NRXN1: variants seen among roughly 807,000 people sequenced by gnomAD.
The protein encoded by NRXN1 is neurexin 1.
NRXN1 carries 39 observed loss-of-function variants against 150.9 expected under a neutral mutation model. The ratio of observed to expected loss-of-function variants is 0.26; its 90% confidence interval spans 0.20 to 0.34. The LOEUF is 0.34. Ranked by LOEUF, NRXN1 falls within the 10% of genes least tolerant of loss-of-function variation. The pLI is 1.00. For synonymous variants in NRXN1, 924 were observed against 757.0 expected (o/e 1.22, Z -3.62); for missense variants, 1,815 against 1,949.9 (o/e 0.93, Z 1.30).
At chr2:50,076,120 T>C (rs1270614781) in intron 19 of NRXN1, among the ~76,000 whole-genome samples, 3 of 152,216 alleles carry the variant, frequency 2.0e-5, no homozygotes, top group African/African-American at 7.2e-5. Flanking sequence ...TTGAACTATG[T>C]CTTTCTTAGT....
chr2:50,550,515 C>G (rs1482861164), intron 9 of NRXN1, among the ~76,000 whole-genome samples: 1 of 151,494 alleles, frequency 6.6e-6, no homozygotes, highest in African/African-American at 2.4e-5. Context: ...TAAGCCCATG[C>G]CCACGCCACT....
chr2:50,950,338 C>A (rs948965301), intron 2 of NRXN1, among the ~76,000 whole-genome samples: 1 of 152,078 alleles, frequency 6.6e-6, no homozygotes, highest in African/African-American at 2.4e-5. Context: ...AATTATATAT[C>A]TAGTTATTTT....
intron 2 of NRXN1, among the ~76,000 whole-genome samples, chr2:50,980,363 A>C (rs187421681): frequency 6.6e-6 from 1 of 152,256 alleles, no homozygotes; most frequent in African/African-American, 2.4e-5. Context: ...TGAGCTGTTC[A>C]TTCAAAAGTT....
At chr2:50,208,710 T>C (rs2152841458) in intron 18 of NRXN1, among the ~76,000 whole-genome samples, 1 of 152,126 alleles carries the variant, frequency 6.6e-6, no homozygotes, top group African/African-American at 2.4e-5. Flanking sequence ...TGAGCTAACA[T>C]TCAGGGACAA....
chr2:50,681,918 G>A (rs1486182855), intron 5 of NRXN1, among the ~76,000 whole-genome samples: 2 of 152,136 alleles, frequency 1.3e-5, no homozygotes, highest in African/African-American at 4.8e-5. Flanking sequence ...TCTTTGGCAT[G>A]GCACTTATCT....
chr2:51,026,440 G>A (rs1227721333), intron 2 of NRXN1: 1 of 1,604,490 alleles, frequency 6.2e-7, no homozygotes, highest in Non-Finnish European at 8.5e-7. Flanking sequence ...AACAGCACCG[G>A]CAAAACACAC....
chr2:50,959,794 C>T (rs1692853920), intron 2 of NRXN1, among the ~76,000 whole-genome samples: 1 of 151,978 alleles, frequency 6.6e-6, no homozygotes, highest in Admixed American at 6.6e-5. Flanking sequence ...ACATCTATTG[C>T]TGATCTCAGT....
At chr2:50,514,644 T>G (rs1573348577) in intron 12 of NRXN1, among the ~76,000 whole-genome samples, 1 of 152,186 alleles carries the variant, frequency 6.6e-6, no homozygotes. Context: ...ACTATTGCAA[T>G]GTAAAAGCAA....
intron 19 of NRXN1, among the ~76,000 whole-genome samples, chr2:50,085,903 T>C (rs1398612216): frequency 6.6e-6 from 1 of 152,176 alleles, no homozygotes; most frequent in Non-Finnish European, 1.5e-5. Flanking sequence ...TAATGATCTT[T>C]GTATATTTTA....
intron 5 of NRXN1, among the ~76,000 whole-genome samples, chr2:50,711,329 C>CTGTT (rs1695113225): frequency 1.1e-5 from 1 of 89,876 alleles, no homozygotes; most frequent in African/African-American, 4.6e-5. Context: ...AGGTACTGGA[C>CTGTT]TTTTTTTTTT....
chr2:50,869,126 T>C (rs189667043), intron 5 of NRXN1, among the ~76,000 whole-genome samples: 13 of 151,926 alleles, frequency 8.6e-5, no homozygotes, highest in Admixed American at 8.5e-4. Flanking sequence ...TATTGTTTTC[T>C]TGCTGACATG....
intron 18 of NRXN1, among the ~76,000 whole-genome samples, chr2:50,158,749 G>A (rs1187255350): frequency 6.6e-5 from 10 of 152,058 alleles, no homozygotes; most frequent in Non-Finnish European, 1.2e-4. Context: ...CAAAACTGGT[G>A]AAGACATTGG....
chr2:50,173,626 A>G (rs150509771), intron 18 of NRXN1, among the ~76,000 whole-genome samples: 1 of 152,208 alleles, frequency 6.6e-6, no homozygotes, highest in African/African-American at 2.4e-5. Context: ...ACACATCTAC[A>G]TGCATAACGA....
rs550051833 is a variant in NRXN1 at position 49,928,694 on chromosome 2, A to C, written c.4217-6443T>G. The stretch of plus-strand genomic sequence containing the variant: ...CAATACAGTGTAGGCCAGAAGAAAC[A>C]ATTATGATGCAATCATTCACAAGAA... On this transcript the variant is annotated intron_variant, in intron 22 of 22. Coordinates refer to ENST00000401669, the MANE Select transcript of NRXN1 (RefSeq NM_001330078.2). Among the ~76,000 whole-genome samples, 9 of 152,322 alleles carry C rather than the reference A, an allele frequency of 5.9e-5. No homozygotes were observed. In the South Asian group the frequency reaches 1.9e-3, roughly 32 times the overall value.
chr2:50,163,251 T>C (rs2059474642), intron 18 of NRXN1, among the ~76,000 whole-genome samples: 1 of 151,432 alleles, frequency 6.6e-6, no homozygotes, highest in South Asian at 2.1e-4. Context: ...AATGCTTCTT[T>C]AGCCTAGCAG....
intron 21 of NRXN1, among the ~76,000 whole-genome samples, chr2:49,995,443 G>A (rs1682772113): frequency 6.6e-6 from 1 of 152,070 alleles, no homozygotes; most frequent in Non-Finnish European, 1.5e-5. Context: ...AAGTGGTAAA[G>A]CCTACTACTG....
intron 13 of NRXN1, among the ~76,000 whole-genome samples, chr2:50,504,518 T>C (rs2104981288): frequency 6.6e-6 from 1 of 152,276 alleles, no homozygotes. Context: ...TTGTATTATT[T>C]TTGGAACTTT....
chr2:50,894,186 A>T (rs1250694491), intron 5 of NRXN1, among the ~76,000 whole-genome samples: 1 of 151,742 alleles, frequency 6.6e-6, no homozygotes, highest in Non-Finnish European at 1.5e-5. Flanking sequence ...ACATGTATAC[A>T]TATGTAACTA....
At chr2:50,114,658 A>G (rs1573990737) in intron 18 of NRXN1, among the ~76,000 whole-genome samples, 1 of 148,250 alleles carries the variant, frequency 6.7e-6, no homozygotes, top group Admixed American at 7.0e-5. Flanking sequence ...CATCCAAGCA[A>G]TGGAATATCA....
Sources: allele counts gnomAD v4.1 joint callset (sites outside exome capture counted in the v4.1 genomes callset), GRCh38; gene constraint gnomAD v4.1.1; transcripts MANE v1.5; gene names NCBI Gene and HGNC (gene_info 2026-07-23, HGNC 2026-07-21).